SLC35D2: variants seen among roughly 807,000 people sequenced by gnomAD.
SLC35D2 encodes solute carrier family 35 member D2, also known as nucleotide sugar transporter SLC35D2.
SLC35D2 carries 43 observed loss-of-function variants against 41.8 expected under a neutral mutation model. The observed-to-expected ratio is 1.03, with a 90% CI of 0.81 to 1.33. The LOEUF is 1.33. Ranked by LOEUF, SLC35D2 falls within the 40% of genes most tolerant of loss-of-function variation. SLC35D2 has a pLI of 0.00. For synonymous variants in SLC35D2, 150 were observed against 163.9 expected (o/e 0.92, Z 0.65); for missense variants, 380 against 408.4 (o/e 0.93, Z 0.60).
chr9:96,357,717 CAT>C (rs1262571467), intron 4 of SLC35D2, among the ~76,000 whole-genome samples: 6 of 152,024 alleles, frequency 3.9e-5, no homozygotes, highest in African/African-American at 1.2e-4. Context: ...AAAAGAAAAA[CAT>C]AGAAAAACTG....
At chr9:96,380,494 A>G (rs1221561157) in intron 1 of SLC35D2, among the ~76,000 whole-genome samples, 11 of 148,902 alleles carry the variant, frequency 7.4e-5, no homozygotes, top group Non-Finnish European at 1.2e-4. Context: ...GTCTCACTCT[A>G]TCGCCCAGGC....
Position 96,364,401 on chromosome 9 carries a change from C to G in SLC35D2, c.279+63G>C, listed in dbSNP as rs913643150. On this transcript the variant is annotated intron_variant, in intron 3 of 11. Coordinates refer to ENST00000253270, the MANE Select transcript of SLC35D2 (RefSeq NM_007001.3). ...CAGTGTGTATAGAAATTGACCTGTACTCTAAAATCAATGTGTATTTTCACA... is the reference window on the plus strand; with the variant it reads ...CAGTGTGTATAGAAATTGACCTGTAGTCTAAAATCAATGTGTATTTTCACA... The G allele has an allele frequency of 6.9e-6, 7 of 1,020,606 alleles. No individual in the cohort carries two copies. The African/African-American group carries it at 1.1e-4, about 16-fold the overall frequency. 63.2% of individuals were successfully genotyped at this position (1,020,606 alleles called of 1,614,324 possible). A position where few individuals can be genotyped will look rare whatever the true frequency, so the allele number is the denominator to read the frequency against.
exon 12 of SLC35D2, among the ~76,000 whole-genome samples, chr9:96,313,803 T>C (rs1361148857): frequency 6.6e-6 from 1 of 152,148 alleles, no homozygotes; most frequent in Non-Finnish European, 1.5e-5. Context: ...TAGCCTCTGG[T>C]CTTGTCAGAT....
Position 96,350,347 on chromosome 9 carries a change from C to CTTTTTTT in SLC35D2, c.488+749_488+755dup, listed in dbSNP as rs57531044. 2.2e-5 allele frequency among the ~76,000 whole-genome samples: 2 copies of CTTTTTTT among 91,008 alleles called. 1 individual carries two copies. Among genetic ancestry groups the CTTTTTTT allele is most frequent in the African/African-American group, 1.0e-4 (2 of 20,060 alleles). The allele number at this position is 91,008 out of a possible 152,430, so 59.7% of individuals were successfully genotyped here. On this transcript the variant is annotated intron_variant, in intron 6 of 11. Coordinates refer to ENST00000253270, the MANE Select transcript of SLC35D2 (RefSeq NM_007001.3). ...CACGACGCCAGGCTAATTTTCTTTC[C>CTTTTTTT]TTTTTTTTTTTTTTTTTTTTTTTTT...
At chr9:96,313,865 T>C (rs1827991414) in exon 12 of SLC35D2, 1 of 152,484 alleles carries the variant, frequency 6.6e-6, no homozygotes, top group Non-Finnish European at 1.5e-5. Context: ...GCAAGGGTAA[T>C]GGGGACCCCA....
intron 1 of SLC35D2, 132 bp from the exon 2 acceptor site, chr9:96,368,437 A>C: frequency 1.3e-6 from 1 of 792,294 alleles, no homozygotes; most frequent in Non-Finnish European, 2.0e-6. Context: ...TTTTCATTTA[A>C]TTCTTTTTTT....
chr9:96,379,210 G>A (rs1241313416), intron 1 of SLC35D2, among the ~76,000 whole-genome samples: 1 of 151,874 alleles, frequency 6.6e-6, no homozygotes, highest in Non-Finnish European at 1.5e-5. Flanking sequence ...AGGAGGCTGA[G>A]GTGGGAAGAT....
chr9:96,322,611 C>T (rs1828292119), intron 10 of SLC35D2, among the ~76,000 whole-genome samples: 1 of 152,150 alleles, frequency 6.6e-6, no homozygotes, highest in South Asian at 2.1e-4. Context: ...GCATTATTCT[C>T]TCTCTTGATC....
chr9:96,339,893 C>T (rs1460783663), intron 8 of SLC35D2, among the ~76,000 whole-genome samples: 1 of 152,118 alleles, frequency 6.6e-6, no homozygotes, highest in Non-Finnish European at 1.5e-5. Flanking sequence ...GAATGAGTCA[C>T]ACACACACAT....
intron 8 of SLC35D2, among the ~76,000 whole-genome samples, chr9:96,340,344 C>A (rs904057005): frequency 6.6e-6 from 1 of 151,962 alleles, no homozygotes; most frequent in Non-Finnish European, 1.5e-5. Flanking sequence ...CTTGGCTGGG[C>A]GCAGTGGCTC....
At chr9:96,340,619 C>CAAAAAAA (rs57501812) in intron 8 of SLC35D2, among the ~76,000 whole-genome samples, 7 of 35,382 alleles carry the variant, frequency 2.0e-4, no homozygotes, top group Admixed American at 1.2e-3. Flanking sequence ...GACTCCATCT[C>CAAAAAAA]AAAAAAAAAA....
downstream of SLC35D2, among the ~76,000 whole-genome samples, chr9:96,315,962 C>G (rs1828043693): frequency 6.6e-6 from 1 of 152,020 alleles, no homozygotes; most frequent in African/African-American, 2.4e-5. Context: ...TAGTAAATGA[C>G]AAGTAGGGTA....
At chr9:96,351,980 T>C (rs1829830620) in intron 5 of SLC35D2, 58 bp downstream of exon 5, 3 of 1,124,108 alleles carry the variant, frequency 2.7e-6, no homozygotes, top group Non-Finnish European at 4.0e-6. Context: ...ATTTGCTGGG[T>C]AAAAGAAATG....
At chr9:96,341,237 A>G (rs1189920179) in intron 8 of SLC35D2, among the ~76,000 whole-genome samples, 1 of 152,188 alleles carries the variant, frequency 6.6e-6, no homozygotes, top group Non-Finnish European at 1.5e-5. Context: ...CAGTGAGCCA[A>G]GATCATGCCA....
At chr9:96,326,044 G>A (rs982249296) in intron 9 of SLC35D2, among the ~76,000 whole-genome samples, 1 of 152,196 alleles carries the variant, frequency 6.6e-6, no homozygotes, top group Non-Finnish European at 1.5e-5. Context: ...AAAACAATTT[G>A]AAAAGTTAAA....
At chr9:96,367,121 G>A (rs1194836392) in intron 2 of SLC35D2, among the ~76,000 whole-genome samples, 1 of 150,870 alleles carries the variant, frequency 6.6e-6, no homozygotes, top group Non-Finnish European at 1.5e-5. Flanking sequence ...TCGGGAGGCT[G>A]GGGCATAAGA....
exon 12 of SLC35D2, among the ~76,000 whole-genome samples, chr9:96,313,745 C>T (rs1049515582): frequency 6.6e-6 from 1 of 152,252 alleles, no homozygotes; most frequent in Non-Finnish European, 1.5e-5. Flanking sequence ...GCTGCGTCCT[C>T]CCTGGGCAGC....
rs756967899 is a variant in SLC35D2, at chr9:96,324,130, G to T, written c.792C>A (p.Tyr264Ter). 1.2e-6 allele frequency: 2 copies of T among 1,613,870 alleles called. No homozygotes were observed. The highest frequency in any genetic ancestry group is 2.2e-5 in the East Asian group (1 of 44,880). Residue 264 changes from tyrosine to a stop codon, truncating the protein, a stop_gained, in exon 10 of 12, where the codon TAC (tyrosine) becomes TAA (stop). Transcript: ENST00000253270. LOFTEE classifies it high-confidence loss of function. ...CCACTGCTGTCGTCAGGGCTGAATT[G>T]TAATAGCTGCACAGAACCGTGGAGT... is the stretch of plus-strand genomic sequence containing the variant. Reference protein sequence around the residue: ...LMYSTVLCSYYNSALTTAVVG... With the variant: ...LMYSTVLCSY
At chr9:96,372,451 TG>T (rs1162086829) in intron 1 of SLC35D2, among the ~76,000 whole-genome samples, 1 of 151,816 alleles carries the variant, frequency 6.6e-6, no homozygotes, top group Middle Eastern at 3.2e-3. Flanking sequence ...TTGGGACAAC[TG>T]GGATTGTGGG....
Sources: allele counts gnomAD v4.1 joint callset (sites outside exome capture counted in the v4.1 genomes callset), GRCh38; gene constraint gnomAD v4.1.1; transcripts MANE v1.5; gene names NCBI Gene and HGNC (gene_info 2026-07-23, HGNC 2026-07-21).